HIBCH: variants seen among roughly 807,000 people sequenced by gnomAD.
HIBCH encodes the protein 3-hydroxyisobutyryl-CoA hydrolase, mitochondrial.
HIBCH carries 50 observed loss-of-function variants against 58.2 expected under a neutral mutation model. The observed-to-expected ratio is 0.86, with a 90% CI of 0.68 to 1.09. HIBCH has a LOEUF of 1.09. Among genes scored for constraint, HIBCH ranks in the 50% least tolerant of loss-of-function variants. The pLI is 0.00. For missense variants in HIBCH, 450 were observed against 449.7 expected, an observed-to-expected ratio of 1.00 and a Z score of -0.01; for synonymous variants, 151 against 146.9, an observed-to-expected ratio of 1.03 and a Z score of -0.20.
Position 190,210,536 on chromosome 2 carries a change from C to A in HIBCH, c.1012-1623G>T, listed in dbSNP as rs1014695096. Among the ~76,000 whole-genome samples, 2 of 152,162 alleles carry A rather than the reference C, an allele frequency of 1.3e-5. No individual in the cohort carries two copies. Among genetic ancestry groups the A allele is most frequent in the Non-Finnish European group, 2.9e-5 (2 of 68,034 alleles). On this transcript the variant is annotated intron_variant, in intron 12 of 13. Coordinates refer to ENST00000359678, the MANE Select transcript of HIBCH (RefSeq NM_014362.4). The surrounding 1 kb of genome is among the most constrained non-coding windows in gnomAD (Gnocchi z 5.5). Reference sequence around the variant, plus strand: ...AACATAGCAGCCTGAGTGATCAATTCTTTAAAGTATAAGATCATGGCATTC... The same window carrying A: ...AACATAGCAGCCTGAGTGATCAATTATTTAAAGTATAAGATCATGGCATTC...
chr2:190,265,758 C>T (rs1687215478), intron 6 of HIBCH, among the ~76,000 whole-genome samples: 1 of 152,088 alleles, frequency 6.6e-6, no homozygotes, highest in African/African-American at 2.4e-5. Flanking sequence ...TATAATTTGT[C>T]CATTTCATCA....
At chr2:190,299,965 A>G (rs754596999) in intron 2 of HIBCH, among the ~76,000 whole-genome samples, 4 of 152,148 alleles carry the variant, frequency 2.6e-5, no homozygotes, top group Non-Finnish European at 5.9e-5. Flanking sequence ...GATGGCCTCC[A>G]GGTCCCTCCA....
intron 11 of HIBCH, among the ~76,000 whole-genome samples, chr2:190,237,542 T>C (rs1449460433): frequency 6.6e-6 from 1 of 152,170 alleles, no homozygotes; most frequent in East Asian, 1.9e-4. Context: ...TGGACTCGTG[T>C]TTACACTTTT....
intron 2 of HIBCH, among the ~76,000 whole-genome samples, chr2:190,305,190 G>A (rs1211501732): frequency 6.6e-6 from 1 of 152,128 alleles, no homozygotes; most frequent in African/African-American, 2.4e-5. Flanking sequence ...AGAAAAGGAG[G>A]GGGGAATCCT....
chr2:190,274,098 G>A (rs956244549), intron 6 of HIBCH, among the ~76,000 whole-genome samples: 4 of 152,048 alleles, frequency 2.6e-5, no homozygotes, highest in African/African-American at 7.3e-5. Flanking sequence ...CACTGCGCCC[G>A]GCCTCTCAGG....
chr2:190,252,419 T>G (rs1163333039), intron 7 of HIBCH, 112 bp from the exon 8 acceptor site: 1 of 867,594 alleles, frequency 1.2e-6, no homozygotes. Flanking sequence ...TGAATATACA[T>G]TACAAACATT....
intron 11 of HIBCH, among the ~76,000 whole-genome samples, chr2:190,224,969 C>T (rs1295656528): frequency 3.3e-5 from 5 of 152,228 alleles, no homozygotes. Context: ...AAGAAACTCA[C>T]TCAAAATCGC....
At chr2:190,256,008 A>C (rs1350090494) in intron 7 of HIBCH, among the ~76,000 whole-genome samples, 1 of 152,152 alleles carries the variant, frequency 6.6e-6, no homozygotes, top group African/African-American at 2.4e-5. Flanking sequence ...GCAAGCTTGG[A>C]CCTTCTCACA....
intron 2 of HIBCH, among the ~76,000 whole-genome samples, chr2:190,308,356 T>C (rs1688469512): frequency 6.6e-6 from 1 of 152,156 alleles, no homozygotes; most frequent in Non-Finnish European, 1.5e-5. Context: ...GGTTCGAGTA[T>C]TTGCCCCCTC....
intron 1 of HIBCH, among the ~76,000 whole-genome samples, chr2:190,317,523 A>C (rs1438724189): frequency 6.6e-6 from 1 of 152,200 alleles, no homozygotes; most frequent in Non-Finnish European, 1.5e-5. Context: ...GACTGGTAAA[A>C]CTGTATTTAA....
intron 6 of HIBCH, among the ~76,000 whole-genome samples, chr2:190,277,310 C>T (rs896133533): frequency 6.6e-6 from 1 of 152,152 alleles, no homozygotes; most frequent in Non-Finnish European, 1.5e-5. Context: ...TGCTACTCTT[C>T]ATGGTGGGTA....
Position 190,212,983 on chromosome 2 carries a change from C to T in HIBCH, c.984G>A (p.Met328Ile), listed in dbSNP as rs764989941. 1 of 1,611,998 alleles carries T rather than the reference C, an allele frequency of 6.2e-7. No individual in the cohort carries two copies. Among genetic ancestry groups the T allele is most frequent in the Non-Finnish European group, 8.5e-7 (1 of 1,178,874 alleles). ...SSKTLQEVLT[M>I]EYRLSQACMR... is the part of the protein sequence containing the mutation. ...TACAAGCTTGACTTAGCCGATACTC[C>T]ATAGTTAGTACTTCTTGCAAGGTCT... The change falls in exon 12 of 14, where the codon ATG (methionine) becomes ATA (isoleucine). Residue 328 changes from methionine (M) to isoleucine (I), a missense_variant. By Grantham distance (10) the Met-to-Ile change is conservative. Transcript: ENST00000359678.
At chr2:190,233,005 T>C (rs1686154039) in intron 11 of HIBCH, among the ~76,000 whole-genome samples, 1 of 151,994 alleles carries the variant, frequency 6.6e-6, no homozygotes, top group Admixed American at 6.6e-5. Flanking sequence ...AATATATATA[T>C]GCTGAGTCCT....
chr2:190,262,164 A>AAAAAAAGAC, intron 6 of HIBCH, among the ~76,000 whole-genome samples: 1 of 116,112 alleles, frequency 8.6e-6, no homozygotes, highest in African/African-American at 4.4e-5. Context: ...CGGTAGAGAC[A>AAAAAAAGAC]AAAAAAAAAA....
At chr2:190,318,702 C>T (rs1053127953) in intron 1 of HIBCH, among the ~76,000 whole-genome samples, 3 of 152,150 alleles carry the variant, frequency 2.0e-5, no homozygotes, top group African/African-American at 7.2e-5. Context: ...TCTCTATTTG[C>T]TATTTGCTGA....
Position 190,310,782 on chromosome 2 carries a change from T to C in HIBCH, c.50A>G (p.Lys17Arg). Residue 17 changes from lysine (K) to arginine (R), a missense_variant, in exon 2 of 14, where the codon AAA (lysine) becomes AGA (arginine). By Grantham distance (26) the Lys-to-Arg change is conservative. Coordinates refer to ENST00000359678, the MANE Select transcript of HIBCH (RefSeq NM_014362.4). The part of the protein sequence containing the change: ...WRLMSRFNAF[K>R]RTNTILHHLR... ...ATGGTGCAGTATGGTATTAGTCCTT[T>C]TGAATGCATTAAACCTGAAACAAAT... 6.2e-7 allele frequency: 1 copy of C among 1,609,240 alleles called. No homozygotes were observed. The highest frequency in any genetic ancestry group is 1.1e-5 in the South Asian group (1 of 90,982).
At chr2:190,229,258 T>G (rs1052596117) in intron 11 of HIBCH, among the ~76,000 whole-genome samples, 66 of 152,322 alleles carry the variant, frequency 4.3e-4, no homozygotes, top group Middle Eastern at 3.4e-3. Flanking sequence ...GAACTGATAT[T>G]GACTTCCATT....
At chr2:190,252,741 C>T (rs190906467) in intron 7 of HIBCH, among the ~76,000 whole-genome samples, 2 of 152,218 alleles carry the variant, frequency 1.3e-5, no homozygotes, top group East Asian at 3.9e-4. Context: ...CATGTCCCAA[C>T]CTTAGTCAAT....
At chr2:190,292,102 C>T (rs182336364) in intron 4 of HIBCH, among the ~76,000 whole-genome samples, 74 of 152,220 alleles carry the variant, frequency 4.9e-4, no homozygotes, top group African/African-American at 1.7e-3. Context: ...CCTGCCTCAG[C>T]CTCCCAAGTA....
Sources: gnomAD v4.1 joint callset for allele counts (sites outside exome capture counted in the v4.1 genomes callset) on GRCh38, gnomAD v4.1.1 for gene constraint, Gnocchi (gnomAD v3.1) non-coding constraint, MANE v1.5 for transcripts, NCBI Gene and HGNC (gene_info 2026-07-23, HGNC 2026-07-21) for gene names.